ZNF565: variants seen among roughly 807,000 people sequenced by gnomAD.
ZNF565 encodes the protein zinc finger protein 565.
Under a neutral mutation model 39.4 loss-of-function variants are expected in ZNF565, and 27 were observed. The ratio of observed to expected loss-of-function variants is 0.69; its 90% CI spans 0.51 to 0.95. The LOEUF is 0.95. ZNF565 is among the 40% of genes least tolerant of loss of function. The pLI, the probability that ZNF565 is intolerant of heterozygous loss-of-function variation, is 0.00. For synonymous variants in ZNF565, 185 were observed against 216.6 expected (o/e 0.85, Z 1.28); for missense variants, 524 against 621.1 (o/e 0.84, Z 1.66).
intron 1 of ZNF565, among the ~76,000 whole-genome samples, chr19:36,204,533 C>T (rs1218560090): frequency 1.3e-5 from 2 of 152,100 alleles, no homozygotes; most frequent in Non-Finnish European, 2.9e-5. Flanking sequence ...CAAATCTGTG[C>T]TATAAATATT....
At chr19:36,222,545 C>T (rs1422586404) in intron 1 of ZNF565, among the ~76,000 whole-genome samples, 1 of 152,102 alleles carries the variant, frequency 6.6e-6, no homozygotes, top group Admixed American at 6.5e-5. Context: ...AGTGTAGTGT[C>T]GAATATTTGG....
chr19:36,192,265 A>G (rs912678401), intron 4 of ZNF565, among the ~76,000 whole-genome samples: 4 of 152,142 alleles, frequency 2.6e-5, no homozygotes, highest in East Asian at 1.9e-4. Flanking sequence ...AACAGCACCT[A>G]TCTTACCAAG....
intron 1 of ZNF565, chr19:36,237,082 C>T (rs780287104): frequency 6.2e-7 from 1 of 1,613,988 alleles, no homozygotes. Flanking sequence ...CTTACGAATG[C>T]AATGTTTGTG....
chr19:36,206,172 G>A (rs1243305258), intron 1 of ZNF565, among the ~76,000 whole-genome samples: 1 of 152,012 alleles, frequency 6.6e-6, no homozygotes. Flanking sequence ...ATGTTGGCCA[G>A]GCTGGTCTTC....
At chr19:36,213,211 C>T (rs1362144984) in intron 1 of ZNF565, 2 of 152,260 alleles carry the variant, frequency 1.3e-5, no homozygotes, top group Non-Finnish European at 2.9e-5. Context: ...AACCACACAT[C>T]CACTCTTTTA....
At chr19:36,233,073 T>C (rs555648018) in intron 1 of ZNF565, among the ~76,000 whole-genome samples, 131 of 152,358 alleles carry the variant, frequency 8.6e-4, no homozygotes, top group Middle Eastern at 3.4e-3. Context: ...AAATTAAATA[T>C]GTATTTTCTA....
chr19:36,225,263 AAAC>A, intron 1 of ZNF565, among the ~76,000 whole-genome samples: 1 of 152,316 alleles, frequency 6.6e-6, no homozygotes, highest in Non-Finnish European at 1.5e-5. Context: ...TTGATTGAGG[AAAC>A]AACAATCCCT....
chr19:36,191,387 C>T (rs1000659017), intron 4 of ZNF565, among the ~76,000 whole-genome samples: 11 of 148,198 alleles, frequency 7.4e-5, no homozygotes, highest in East Asian at 6.0e-4. Flanking sequence ...GGGGCAATCT[C>T]GGCTCTCAGC....
intron 4 of ZNF565, among the ~76,000 whole-genome samples, chr19:36,191,834 A>T (rs761118978): frequency 2.6e-5 from 4 of 152,188 alleles, no homozygotes; most frequent in Non-Finnish European, 4.4e-5. Context: ...ACTGGTGCAG[A>T]CAAGGTCCAG....
rs548728351 is a variant in ZNF565, at chr19:36,223,654, C to T, written c.56-21604G>A. On this transcript the variant is annotated intron_variant, in intron 1 of 4. Transcript: ENST00000355114. ...CTGGGATTACAGGCGTGAGCCACCG[C>T]GCGTGGCTGATTCATCAGTCTTTTA... Among the ~76,000 whole-genome samples, 3 of 142,398 alleles carry T rather than the reference C, an allele frequency of 2.1e-5. No homozygotes were observed. In the East Asian group the frequency reaches 6.5e-4, roughly 31 times the overall value. The allele number at this position is 142,398 out of a possible 152,430, so 93.4% of individuals were successfully genotyped here.
At chr19:36,222,621 T>G (rs556639455) in intron 1 of ZNF565, among the ~76,000 whole-genome samples, 1 of 151,456 alleles carries the variant, frequency 6.6e-6, no homozygotes, top group Non-Finnish European at 1.5e-5. Context: ...TCCCTTCTTA[T>G]GAATGAGAAT....
chr19:36,233,636 G>A (rs1418883626), intron 1 of ZNF565, among the ~76,000 whole-genome samples: 1 of 152,072 alleles, frequency 6.6e-6, no homozygotes, highest in African/African-American at 2.4e-5. Flanking sequence ...GTGAACAAAT[G>A]TCTCTGCATC....
At chr19:36,223,549 GA>G (rs1293076873) in intron 1 of ZNF565, among the ~76,000 whole-genome samples, 1 of 151,878 alleles carries the variant, frequency 6.6e-6, no homozygotes, top group Admixed American at 6.6e-5. Context: ...ATTTTTAGTA[GA>G]GACGGGGTTT....
rs866769593 is a variant in ZNF565, at chr19:36,245,534, G to C, written c.-4C>G. ...TTTCCCAGGGTCCACGGCGCATTTAGGTGGTGGCTTGCTCTGGACTACATT... is the reference window on the plus strand; with the variant it reads ...TTTCCCAGGGTCCACGGCGCATTTACGTGGTGGCTTGCTCTGGACTACATT... On this transcript the variant is annotated 5_prime_UTR_variant, in exon 1 of 5. Coordinates refer to the ZNF565 transcript ENST00000355114. This position sits in a 1 kb window ranked among gnomAD's most constrained non-coding sequence, Gnocchi z 4.4. 2 of 702,326 alleles carry C rather than the reference G, an allele frequency of 2.8e-6. No individual in the cohort carries two copies. The highest frequency in any genetic ancestry group is 4.0e-5 in the Admixed American group (2 of 50,002). The allele number at this position is 702,326 out of a possible 1,614,324, so 43.5% of individuals were successfully genotyped here.
intron 1 of ZNF565, among the ~76,000 whole-genome samples, chr19:36,228,158 CAAAAAAAAAA>C (rs71171422): frequency 2.8e-4 from 30 of 106,644 alleles, no homozygotes; most frequent in African/African-American, 1.2e-3. Flanking sequence ...GAAACTGTCT[CAAAAAAAAAA>C]AAAAAAAAAG....
chr19:36,214,073 C>G (rs958087670), intron 1 of ZNF565, among the ~76,000 whole-genome samples: 1 of 151,954 alleles, frequency 6.6e-6, no homozygotes, highest in African/African-American at 2.4e-5. Flanking sequence ...TCACTGTGGA[C>G]ATACACACAG....
intron 1 of ZNF565, among the ~76,000 whole-genome samples, chr19:36,233,515 A>T (rs1263352127): frequency 6.6e-6 from 1 of 152,010 alleles, no homozygotes; most frequent in African/African-American, 2.4e-5. Flanking sequence ...TCTCAAGAGG[A>T]CCGGCCTCTT....
rs192331901 is a variant in ZNF565 at position 36,197,694 on chromosome 19, G to T, written c.10-2538C>A. Among the ~76,000 whole-genome samples, 180 of 152,214 alleles carry T rather than the reference G, an allele frequency of 1.2e-3. 1 individual carries two copies. Among genetic ancestry groups the T allele is most frequent in the African/African-American group, 4.0e-3 (167 of 41,548 alleles). On this transcript the variant is annotated intron_variant, in intron 2 of 4. Transcript: ENST00000304116. Reference sequence around the variant, plus strand: ...ATCTAAAAGAGAGGCAATAACAAATGCTAGTGAAGACGTGAACAGAAGGGA... The same window carrying T: ...ATCTAAAAGAGAGGCAATAACAAATTCTAGTGAAGACGTGAACAGAAGGGA...
intron 1 of ZNF565, among the ~76,000 whole-genome samples, chr19:36,226,030 A>C (rs1335407343): frequency 6.6e-6 from 1 of 152,138 alleles, no homozygotes. Flanking sequence ...TCAGCTTCCC[A>C]AAGTGCTGGG....
Sources: gnomAD v4.1 joint callset for allele counts (sites outside exome capture counted in the v4.1 genomes callset) on GRCh38, gnomAD v4.1.1 for gene constraint, Gnocchi (gnomAD v3.1) non-coding constraint, MANE v1.5 for transcripts, NCBI Gene and HGNC (gene_info 2026-07-23, HGNC 2026-07-21) for gene names.